CFAP97D2: variants seen among roughly 807,000 people sequenced by gnomAD.
CFAP97D2 encodes uncharacterized protein CFAP97D2.
At chr13:114,188,271 C>CA (rs35727895) in intron 1 of CFAP97D2, among the ~76,000 whole-genome samples, 1,362 of 84,458 alleles carry the variant, frequency 0.016, 10 homozygotes, top group Middle Eastern at 0.047. Context: ...GACCCTGTCT[C>CA]AAAAAAAAAA....
intron 1 of CFAP97D2, among the ~76,000 whole-genome samples, chr13:114,192,623 A>T (rs1392859989): frequency 6.6e-6 from 1 of 152,238 alleles, no homozygotes; most frequent in Admixed American, 6.5e-5. Flanking sequence ...TGAAGCAAAT[A>T]GGAGACATTG....
At position 114,187,755 on chromosome 13, in the gene CFAP97D2, G is replaced by C. The variant is rs539521545; in HGVS notation, c.90+8335G>C. On this transcript the variant is annotated intron_variant, in intron 1 of 4. Coordinates refer to ENST00000646158, the Ensembl canonical transcript of CFAP97D2. The surrounding 1 kb of genome is among the most constrained non-coding windows in gnomAD (Gnocchi z 4.2). Reference sequence around the variant, plus strand: ...CATCATCAATCAACTAGATATAATTGATATCTATCATCCAATTCATCCAGC... The same window carrying C: ...CATCATCAATCAACTAGATATAATTCATATCTATCATCCAATTCATCCAGC... Among the ~76,000 whole-genome samples, 35 of 152,158 alleles carry C rather than the reference G, an allele frequency of 2.3e-4. No homozygotes were observed. The highest frequency in any genetic ancestry group is 8.2e-4 in the African/African-American group (34 of 41,512).
intron 1 of CFAP97D2, among the ~76,000 whole-genome samples, chr13:114,194,098 T>G (rs939478709): frequency 1.3e-5 from 2 of 152,258 alleles, no homozygotes; most frequent in African/African-American, 4.8e-5. Context: ...GTAAGTTTCT[T>G]GCCAGTGCAA....
chr13:114,202,160 A>G (rs77208052), intron 3 of CFAP97D2, among the ~76,000 whole-genome samples: 8,181 of 152,294 alleles, frequency 0.054, 393 homozygotes, highest in African/African-American at 0.13. Flanking sequence ...GTAGTGTTCC[A>G]TCGTACGGAT....
At chr13:114,201,973 C>T (rs1223741616) in intron 3 of CFAP97D2, among the ~76,000 whole-genome samples, 1 of 152,232 alleles carries the variant, frequency 6.6e-6, no homozygotes, top group Non-Finnish European at 1.5e-5. Context: ...GCACCCCAGT[C>T]AAGACAGTAA....
At chr13:114,201,762 A>C (rs552889870) in intron 3 of CFAP97D2, among the ~76,000 whole-genome samples, 19 of 152,344 alleles carry the variant, frequency 1.2e-4, no homozygotes, top group African/African-American at 4.6e-4. Context: ...ACTGCAGACC[A>C]GTTGGTTGAT....
rs1212214147 is a variant in CFAP97D2 at position 114,187,130 on chromosome 13, A to G, written c.90+7710A>G. Among the ~76,000 whole-genome samples, 2 of 152,258 alleles carry G rather than the reference A, an allele frequency of 1.3e-5. No individual in the cohort carries two copies. The highest frequency in any genetic ancestry group is 4.8e-5 in the African/African-American group (2 of 41,464). ...TTGAAAGTGGACTTGAGTTATTTGT[A>G]AGTACATATTGCAAATCCTAGGGCA... On this transcript the variant is annotated intron_variant, in intron 1 of 4. Coordinates refer to ENST00000646158, the Ensembl canonical transcript of CFAP97D2. The surrounding 1 kb of genome is among the most constrained non-coding windows in gnomAD (Gnocchi z 4.2).
chr13:114,212,593 T>TATAG (rs1471668497), intron 4 of CFAP97D2, among the ~76,000 whole-genome samples: 2 of 152,002 alleles, frequency 1.3e-5, no homozygotes, highest in Non-Finnish European at 2.9e-5. Context: ...CTCATGCCTA[T>TATAG]AATCCCAGCA....
intron 2 of CFAP97D2, among the ~76,000 whole-genome samples, chr13:114,196,761 CACAGCCCCAGGAAGTCCTTGAAA>C (rs570408006): frequency 1.3e-5 from 2 of 152,296 alleles, no homozygotes; most frequent in East Asian, 3.9e-4. Flanking sequence ...CTGCCCGTGA[CACAGCCCCAGGAAGTCCTTGAAA>C]ACATGTTCCC....
intron 1 of CFAP97D2, among the ~76,000 whole-genome samples, chr13:114,193,526 GT>G (rs1388230008): frequency 6.6e-6 from 1 of 152,084 alleles, no homozygotes; most frequent in Admixed American, 6.6e-5. Flanking sequence ...TGGACTCTGT[GT>G]CCCCATGTAG....
chr13:114,192,008 A>G (rs1049467900), intron 1 of CFAP97D2, among the ~76,000 whole-genome samples: 2 of 141,814 alleles, frequency 1.4e-5, no homozygotes, highest in African/African-American at 5.2e-5. Flanking sequence ...TTCTAACACT[A>G]TGACATTCTG....
rs2080857013 is a variant in CFAP97D2 at position 114,187,946 on chromosome 13, A to G, written c.91-8450A>G. On this transcript the variant is annotated intron_variant, in intron 1 of 4. Coordinates refer to ENST00000646158, the Ensembl canonical transcript of CFAP97D2. This position sits in a 1 kb window ranked among gnomAD's most constrained non-coding sequence, Gnocchi z 4.2. Reference sequence around the variant, plus strand: ...GGAATTAAACTAGAAGTCAATAACAAAGATAACTGGAAGATCCCAAAACAT... The same window carrying G: ...GGAATTAAACTAGAAGTCAATAACAGAGATAACTGGAAGATCCCAAAACAT... 6.6e-6 allele frequency among the ~76,000 whole-genome samples: 1 copy of G among 152,180 alleles called. No individual in the cohort carries two copies. The highest frequency in any genetic ancestry group is 6.5e-5 in the Admixed American group (1 of 15,282).
Position 114,211,080 on chromosome 13 carries a change from A to AT in CFAP97D2, c.291-830dup, listed in dbSNP as rs2080964852. 6.6e-6 allele frequency among the ~76,000 whole-genome samples: 1 copy of AT among 152,174 alleles called. No individual in the cohort carries two copies. The highest frequency in any genetic ancestry group is 2.1e-4 in the South Asian group (1 of 4,834). Reference sequence around the variant, plus strand: ...AGGAGGAGGCCACCAACCATCCACCATTATTCCCTGCTTCCACAAATCTCC... The same window carrying AT: ...AGGAGGAGGCCACCAACCATCCACCATTTATTCCCTGCTTCCACAAATCTCC... On this transcript the variant is annotated intron_variant, in intron 3 of 4. Transcript: ENST00000646158. The surrounding 1 kb of genome is among the most constrained non-coding windows in gnomAD (Gnocchi z 4.2).
At chr13:114,196,607 T>C in intron 2 of CFAP97D2, 131 bp downstream of exon 2, 1 of 395,890 alleles carries the variant, frequency 2.5e-6, no homozygotes. Flanking sequence ...GTCTAGGTGA[T>C]TAATTAGCCC....
At chr13:114,204,366 G>C (rs895036458) in intron 3 of CFAP97D2, among the ~76,000 whole-genome samples, 2 of 152,202 alleles carry the variant, frequency 1.3e-5, no homozygotes, top group African/African-American at 4.8e-5. Context: ...AGGCAGACTT[G>C]TCGCTTACCT....
In CFAP97D2 at chr13:114,186,818, C is replaced by G. The variant is rs1026614568; in HGVS notation, c.90+7398C>G. ...ATGACTGGCTGTGCAGTGACTGGAC[C>G]CCACACTCACTCACTCACACACCCC... On this transcript the variant is annotated intron_variant, in intron 1 of 4. Transcript: ENST00000646158. This position sits in a 1 kb window ranked among gnomAD's most constrained non-coding sequence, Gnocchi z 4.3. Among the ~76,000 whole-genome samples, 1 of 152,194 alleles carries G rather than the reference C, an allele frequency of 6.6e-6. No homozygotes were observed. The highest frequency in any genetic ancestry group is 1.5e-5 in the Non-Finnish European group (1 of 68,030).
chr13:114,200,546 G>A, intron 3 of CFAP97D2, 103 bp downstream of exon 3: 1 of 394,982 alleles, frequency 2.5e-6, no homozygotes, highest in Non-Finnish European at 4.5e-6. Flanking sequence ...TGGGAGTCGA[G>A]GCGTTTCTGT....
At chr13:114,221,993 G>C (rs77037192) in intron 4 of CFAP97D2, among the ~76,000 whole-genome samples, 9,983 of 152,278 alleles carry the variant, frequency 0.066, 564 homozygotes, top group African/African-American at 0.13. Flanking sequence ...ATAAAACGTG[G>C]TATAGCCATA....
At chr13:114,220,021 C>T (rs377620094) in intron 4 of CFAP97D2, among the ~76,000 whole-genome samples, 6 of 151,898 alleles carry the variant, frequency 4.0e-5, no homozygotes, top group African/African-American at 9.7e-5. Context: ...ACCAAGCTGG[C>T]GACGAGGGAG....
Sources: allele counts gnomAD v4.1 joint callset (sites outside exome capture counted in the v4.1 genomes callset), GRCh38; gene constraint gnomAD v4.1.1; non-coding constraint Gnocchi (gnomAD v3.1); transcripts MANE v1.5; gene names NCBI Gene and HGNC (gene_info 2026-07-23, HGNC 2026-07-21).